PRDM16: variants seen among roughly 807,000 people sequenced by gnomAD.
The protein encoded by PRDM16 is PR/SET domain 16, also known as histone-lysine N-methyltransferase PRDM16.
In PRDM16, 23 loss-of-function variants were observed where a neutral mutation model predicts 110.6. The observed-to-expected ratio is 0.21, with a 90% confidence interval of 0.15 to 0.29. The LOEUF (loss-of-function observed/expected upper bound fraction) is 0.29, where lower values mean the gene tolerates loss of function less well. Ranked by LOEUF, PRDM16 falls within the 10% of genes least tolerant of loss-of-function variation. The probability of loss-of-function intolerance (pLI) is 1.00; values close to 1 mark genes in which losing one functional copy is unlikely to be tolerated. For missense variants in PRDM16, 1,615 were observed against 1,794.3 expected (o/e 0.90, Z 1.81); for synonymous variants, 799 against 781.8 (o/e 1.02, Z -0.37).
At chr1:3,351,697 G>C (rs1642496668) in intron 3 of PRDM16, among the ~76,000 whole-genome samples, 2 of 20,934 alleles carry the variant, frequency 9.6e-5, no homozygotes, top group African/African-American at 2.6e-4. Flanking sequence ...TCCTCCCTCT[G>C]TCTCTCCCTT....
intron 1 of PRDM16, among the ~76,000 whole-genome samples, chr1:3,181,964 C>T (rs530249165): frequency 6.6e-6 from 1 of 152,106 alleles, no homozygotes; most frequent in African/African-American, 2.4e-5. Flanking sequence ...TTACACATGC[C>T]TTACACATGC....
intron 3 of PRDM16, among the ~76,000 whole-genome samples, chr1:3,296,153 C>T (rs796192511): frequency 1.3e-5 from 2 of 152,158 alleles, no homozygotes; most frequent in Admixed American, 6.5e-5. Context: ...CGGAACCGTA[C>T]GGGTCATGGT....
intron 3 of PRDM16, among the ~76,000 whole-genome samples, chr1:3,347,736 C>A (rs1055970130): frequency 6.6e-6 from 1 of 152,208 alleles, no homozygotes; most frequent in African/African-American, 2.4e-5. Context: ...CATGCCTAGG[C>A]CTTGGTGAGA....
In PRDM16 at chr1:3,180,921, T is replaced by G. The variant is rs573531447; in HGVS notation, c.38-5204T>G. On this transcript the variant is annotated intron_variant, in intron 1 of 16. Transcript: ENST00000270722. Reference sequence around the variant, plus strand: ...ACACACGCAGTCTTACACGCAGCCTTACACACGCAGCCACACACGCAGCCT... The same window carrying G: ...ACACACGCAGTCTTACACGCAGCCTGACACACGCAGCCACACACGCAGCCT... Among the ~76,000 whole-genome samples the G allele has an allele frequency of 2.0e-5, 3 of 146,948 alleles. No homozygotes were observed. The East Asian group carries it at 6.1e-4, about 30-fold the overall frequency.
chr1:3,418,627 C>T (rs1376892462), intron 11 of PRDM16, 40 bp from the exon 12 acceptor site: 2 of 1,398,448 alleles, frequency 1.4e-6, no homozygotes, highest in East Asian at 4.6e-5. Flanking sequence ...GTAAGCCCAC[C>T]CTAATCCTCC....
chr1:3,195,595 CT>C (rs76576644), intron 2 of PRDM16, among the ~76,000 whole-genome samples: 16,296 of 151,714 alleles, frequency 0.11, 999 homozygotes, highest in East Asian at 0.22. Context: ...CCCGCCCCCC[CT>C]GTCCCAGTGA....
At chr1:3,229,356 C>T (rs1338091729) in intron 2 of PRDM16, among the ~76,000 whole-genome samples, 2 of 152,150 alleles carry the variant, frequency 1.3e-5, no homozygotes, top group South Asian at 2.1e-4. Flanking sequence ...GCAGGTGCCC[C>T]GGGGGCCCCT....
intron 1 of PRDM16, among the ~76,000 whole-genome samples, chr1:3,114,495 CACACGCGCATGCACACACACATGA>C (rs1471944155): frequency 1.3e-4 from 20 of 150,998 alleles, no homozygotes; most frequent in African/African-American, 4.4e-4. Context: ...CACGCACGCA[CACACGCGCATGCACACACACATGA>C]ACACACGCAC....
chr1:3,378,604 CAT>C (rs1348550370), intron 3 of PRDM16, among the ~76,000 whole-genome samples: 3 of 152,120 alleles, frequency 2.0e-5, no homozygotes, highest in Non-Finnish European at 2.9e-5. Context: ...GTACCCACCT[CAT>C]AGGCCCGCGG....
chr1:3,412,547 C>A lies in PRDM16; in HGVS notation c.2350C>A (p.Pro784Thr). 1 of 1,612,054 alleles carries A rather than the reference C, an allele frequency of 6.2e-7. No homozygotes were observed. The highest frequency in any genetic ancestry group is 1.1e-5 in the South Asian group (1 of 91,090). The change falls in exon 9 of 17, where the codon CCC (proline) becomes ACC (threonine). Residue 784 changes from proline (P) to threonine (T), a missense_variant. Pro to Thr is a conservative substitution (Grantham distance 38, BLOSUM62 -1). Coordinates refer to ENST00000270722, the MANE Select transcript of PRDM16 (RefSeq NM_022114.4). ...DLTTKPKDVK[P>T]ILPMPKGPSA... ...CACCACCAAGCCCAAAGACGTGAAG[C>A]CCATCCTGCCCATGCCCAAGGGCCC...
intron 2 of PRDM16, among the ~76,000 whole-genome samples, chr1:3,231,521 G>T (rs1303116662): frequency 1.4e-5 from 2 of 146,092 alleles, no homozygotes; most frequent in African/African-American, 2.7e-5. Flanking sequence ...GGGGTCGAGA[G>T]GTGTTTCTGG....
At chr1:3,149,183 G>A (rs1182473855) in intron 1 of PRDM16, among the ~76,000 whole-genome samples, 1 of 152,194 alleles carries the variant, frequency 6.6e-6, no homozygotes, top group Admixed American at 6.5e-5. Context: ...TGGGCAAAGA[G>A]CCTGCATGAG....
At chr1:3,347,812 T>G (rs967589129) in intron 3 of PRDM16, among the ~76,000 whole-genome samples, 3 of 152,138 alleles carry the variant, frequency 2.0e-5, no homozygotes, top group Non-Finnish European at 4.4e-5. Flanking sequence ...GGCTCTGGGC[T>G]GGGGCGGGAA....
rs1640269639 is a variant in PRDM16, at chr1:3,265,697, G to A, written c.438+21560G>A. On this transcript the variant is annotated intron_variant, in intron 3 of 16. Coordinates refer to ENST00000270722, the MANE Select transcript of PRDM16 (RefSeq NM_022114.4). This position sits in a 1 kb window ranked among gnomAD's most constrained non-coding sequence, Gnocchi z 4.5. Reference sequence around the variant, plus strand: ...GGGCTGCCTGGGTTTGTCCTGGGAAGGTGAGGATGGGAGCTGACTGTGGTT... The same window carrying A: ...GGGCTGCCTGGGTTTGTCCTGGGAAAGTGAGGATGGGAGCTGACTGTGGTT... 6.6e-6 allele frequency among the ~76,000 whole-genome samples: 1 copy of A among 152,058 alleles called. No homozygotes were observed. The highest frequency in any genetic ancestry group is 2.1e-4 in the South Asian group (1 of 4,832).
intron 3 of PRDM16, among the ~76,000 whole-genome samples, chr1:3,298,059 C>G (rs1228625007): frequency 6.6e-6 from 1 of 151,216 alleles, no homozygotes; most frequent in East Asian, 1.9e-4. Flanking sequence ...GCTGAGAGTT[C>G]TGCAGCACCA....
At chr1:3,114,388 GCGCA>G (rs1557456699) in intron 1 of PRDM16, among the ~76,000 whole-genome samples, 1 of 112,396 alleles carries the variant, frequency 8.9e-6, no homozygotes, top group Non-Finnish European at 1.7e-5. Flanking sequence ...GTAAACAGAC[GCGCA>G]CGCACGCGCA....
intron 1 of PRDM16, among the ~76,000 whole-genome samples, chr1:3,152,719 G>C (rs1244975184): frequency 6.6e-6 from 1 of 152,236 alleles, no homozygotes; most frequent in Non-Finnish European, 1.5e-5. Context: ...CTGATGCGTG[G>C]CTGGGCCAGG....
At chr1:3,313,515 T>C (rs1479574683) in intron 3 of PRDM16, among the ~76,000 whole-genome samples, 1 of 152,188 alleles carries the variant, frequency 6.6e-6, no homozygotes, top group Non-Finnish European at 1.5e-5. Context: ...AGAAACAACC[T>C]GGAAAGAGGA....
chr1:3,414,685 A>G lies in PRDM16; in HGVS notation c.2691+38A>G, dbSNP rs552677596. ...TGCAGGTCAGGGCGCCCTGTAACCC[A>G]CACGCCAGTGGCCCCATCTCCCGGC... On this transcript the variant is annotated intron_variant, in intron 10 of 16. Transcript: ENST00000270722. The G allele has an allele frequency of 2.7e-5, 41 of 1,515,766 alleles. No individual in the cohort carries two copies. In the South Asian group the frequency reaches 4.1e-4, roughly 15 times the overall value. The allele number at this position is 1,515,766 out of a possible 1,614,324, so 93.9% of individuals were successfully genotyped here. A position where few individuals can be genotyped will look rare whatever the true frequency, so the allele number is the denominator to read the frequency against.
Sources: allele counts gnomAD v4.1 joint callset (sites outside exome capture counted in the v4.1 genomes callset), GRCh38; gene constraint gnomAD v4.1.1; non-coding constraint Gnocchi (gnomAD v3.1); transcripts MANE v1.5; gene names NCBI Gene and HGNC (gene_info 2026-07-23, HGNC 2026-07-21).